Variants in NIPAL2 observed in about 807,000 individuals in gnomAD.
NIPAL2 encodes NIPA like domain containing 2.
A neutral mutation model predicts 48.9 loss-of-function variants in NIPAL2; 43 were observed. The ratio of observed to expected loss-of-function variants is 0.88; its 90% confidence interval spans 0.69 to 1.13. NIPAL2 has a LOEUF of 1.13. NIPAL2 is among the 50% of genes most tolerant of loss of function. The probability of loss-of-function intolerance (pLI) is 0.00; values close to 1 mark genes in which losing one functional copy is unlikely to be tolerated. For synonymous variants in NIPAL2, 167 were observed against 174.6 expected (o/e 0.96, Z 0.34); for missense variants, 446 against 461.4 (o/e 0.97, Z 0.31).
chr8:98,251,104 T>A (rs556592335), intron 3 of NIPAL2, among the ~76,000 whole-genome samples: 1 of 151,910 alleles, frequency 6.6e-6, no homozygotes, highest in South Asian at 2.1e-4. Flanking sequence ...AGAATTTCAA[T>A]ACGATATGGT....
intron 1 of NIPAL2, among the ~76,000 whole-genome samples, chr8:98,266,283 A>AAT (rs1189916345): frequency 6.3e-4 from 2 of 3,156 alleles, no homozygotes; most frequent in African/African-American, 8.2e-4. Context: ...AAAGTATAAT[A>AAT]AAAAAAAAAA....
At chr8:98,248,771 G>C (rs2130821560) in intron 3 of NIPAL2, among the ~76,000 whole-genome samples, 1 of 152,284 alleles carries the variant, frequency 6.6e-6, no homozygotes, top group African/African-American at 2.4e-5. Flanking sequence ...AGTAAAACTA[G>C]CATTTTAGTC....
intron 4 of NIPAL2, among the ~76,000 whole-genome samples, chr8:98,233,618 T>C (rs1812555822): frequency 6.6e-6 from 1 of 152,226 alleles, no homozygotes; most frequent in Admixed American, 6.5e-5. Context: ...TCTGAAGTTA[T>C]GAGAGTCAGT....
chr8:98,252,310 G>T, intron 3 of NIPAL2, 153 bp downstream of exon 3: 1 of 711,142 alleles, frequency 1.4e-6, no homozygotes, highest in African/African-American at 1.8e-5. Flanking sequence ...ACAATGGATC[G>T]CTGAAATTAG....
intron 5 of NIPAL2, among the ~76,000 whole-genome samples, chr8:98,215,245 T>A (rs1004916478): frequency 6.6e-6 from 1 of 152,268 alleles, no homozygotes; most frequent in African/African-American, 2.4e-5. Flanking sequence ...AAATAAAACA[T>A]GAGTTCCCAT....
In NIPAL2 at chr8:98,227,551, A is replaced by G. The variant is rs576607391; in HGVS notation, c.437-4951T>C. 2.2e-3 allele frequency among the ~76,000 whole-genome samples: 340 copies of G among 152,310 alleles called. 3 individuals are homozygous for G. Among genetic ancestry groups the G allele is most frequent in the Non-Finnish European group, 4.2e-3 (284 of 68,026 alleles). ...CAGGGTGTGTCGAGAAATGTCATCC[A>G]GGAGCTACGGCCTGGAATGGGGGCC... On this transcript the variant is annotated intron_variant, in intron 4 of 10. Coordinates refer to ENST00000430223, the MANE Select transcript of NIPAL2 (RefSeq NM_001321635.2).
intron 6 of NIPAL2, among the ~76,000 whole-genome samples, chr8:98,208,329 C>T (rs918530653): frequency 3.3e-5 from 5 of 152,154 alleles, no homozygotes; most frequent in Admixed American, 1.3e-4. Flanking sequence ...TTGCCATCAA[C>T]ATTTCCTTAT....
At chr8:98,257,786 A>G (rs1298071131) in intron 1 of NIPAL2, among the ~76,000 whole-genome samples, 2 of 152,106 alleles carry the variant, frequency 1.3e-5, no homozygotes, top group Non-Finnish European at 2.9e-5. Flanking sequence ...TTCCCCTTCT[A>G]TTGATTCCAG....
chr8:98,227,209 A>G (rs1368484210), intron 4 of NIPAL2, among the ~76,000 whole-genome samples: 2 of 152,118 alleles, frequency 1.3e-5, no homozygotes, highest in African/African-American at 4.8e-5. Flanking sequence ...AAGACCTGGA[A>G]TCAGGGACCC....
intron 3 of NIPAL2, among the ~76,000 whole-genome samples, chr8:98,247,520 A>G (rs906964377): frequency 1.8e-4 from 27 of 152,294 alleles, no homozygotes; most frequent in African/African-American, 6.3e-4. Context: ...CTGAGGTGGC[A>G]CCACCCGCAT....
chr8:98,212,611 C>T, intron 5 of NIPAL2, 110 bp from the exon 6 acceptor site: 1 of 611,932 alleles, frequency 1.6e-6, no homozygotes, highest in South Asian at 2.0e-5. Flanking sequence ...TTGAGGGTGA[C>T]TGAGGTTCCT....
At chr8:98,256,802 T>C (rs1002059772) in intron 1 of NIPAL2, among the ~76,000 whole-genome samples, 1 of 152,174 alleles carries the variant, frequency 6.6e-6, no homozygotes, top group Admixed American at 6.5e-5. Context: ...TTTTGGTACA[T>C]ATCCAAAAGA....
At chr8:98,277,502 A>G (rs1454622577) in intron 1 of NIPAL2, among the ~76,000 whole-genome samples, 2 of 151,992 alleles carry the variant, frequency 1.3e-5, no homozygotes, top group Admixed American at 6.6e-5. Context: ...GCACCATTGC[A>G]CTCCAGCCTG....
chr8:98,252,165 A>G (rs1189900689), intron 3 of NIPAL2: 2 of 266,030 alleles, frequency 7.5e-6, no homozygotes, highest in Non-Finnish European at 1.4e-5. Context: ...GCTTTTAGGT[A>G]ACTCATTAAT....
At chr8:98,236,651 T>C (rs144642739) in intron 3 of NIPAL2, among the ~76,000 whole-genome samples, 1 of 151,766 alleles carries the variant, frequency 6.6e-6, no homozygotes, top group Non-Finnish European at 1.5e-5. Flanking sequence ...GAGTTCAAGA[T>C]AAGCCTGGGC....
chr8:98,251,042 T>C (rs1186340136), intron 3 of NIPAL2, among the ~76,000 whole-genome samples: 1 of 152,060 alleles, frequency 6.6e-6, no homozygotes, highest in Admixed American at 6.6e-5. Context: ...CTTTTTCTTA[T>C]ATCCCACTCC....
chr8:98,276,873 A>T (rs1586470605), intron 1 of NIPAL2, among the ~76,000 whole-genome samples: 1 of 151,952 alleles, frequency 6.6e-6, no homozygotes, highest in Non-Finnish European at 1.5e-5. Context: ...CCCAGGCTCA[A>T]CCAATTCTCC....
chr8:98,239,481 C>T (rs1000194726), intron 3 of NIPAL2, among the ~76,000 whole-genome samples: 1 of 152,014 alleles, frequency 6.6e-6, no homozygotes, highest in African/African-American at 2.4e-5. Flanking sequence ...AATTTCATTG[C>T]TAAAAGCAAA....
chr8:98,247,976 AG>A (rs1322971038), intron 3 of NIPAL2, among the ~76,000 whole-genome samples: 1 of 152,242 alleles, frequency 6.6e-6, no homozygotes, highest in African/African-American at 2.4e-5. Flanking sequence ...TTAATGAACA[AG>A]AGAACACAAG....
Sources: allele counts gnomAD v4.1 joint callset (sites outside exome capture counted in the v4.1 genomes callset), GRCh38; gene constraint gnomAD v4.1.1; transcripts MANE v1.5; gene names NCBI Gene and HGNC (gene_info 2026-07-23, HGNC 2026-07-21).